The following FANCL variants were observed in gnomAD, a reference collection of about 807,000 sequenced individuals.
FANCL encodes the protein FA complementation group L, also known as E3 ubiquitin-protein ligase FANCL.
A neutral mutation model predicts 59.4 loss-of-function variants in FANCL; 69 were observed. The ratio of observed to expected loss-of-function variants is 1.16; its 90% CI spans 0.96 to 1.42. The LOEUF is 1.42. Ranked by LOEUF, FANCL falls within the 40% of genes most tolerant of loss-of-function variation. The pLI, the probability that FANCL is intolerant of heterozygous loss-of-function variation, is 0.00. For missense variants in FANCL, 519 were observed against 447.2 expected, an observed-to-expected ratio of 1.16 and a Z score of -1.45; for synonymous variants, 180 against 147.1, an observed-to-expected ratio of 1.22 and a Z score of -1.62.
intron 7 of FANCL, among the ~76,000 whole-genome samples, chr2:58,190,211 TAA>T (rs1210981508): frequency 4.6e-5 from 7 of 151,990 alleles, no homozygotes; most frequent in Admixed American, 3.3e-4. Context: ...CTTCTATACT[TAA>T]GTTATTTTGA....
intron 1 of FANCL, among the ~76,000 whole-genome samples, chr2:58,232,411 C>T (rs1397809312): frequency 6.6e-6 from 1 of 151,810 alleles, no homozygotes; most frequent in East Asian, 1.9e-4. Flanking sequence ...AATTGCTAAC[C>T]AGGCCCATAG....
intron 7 of FANCL, 50 bp from the exon 8 acceptor site, chr2:58,165,924 C>T (rs765991434): frequency 6.4e-7 from 1 of 1,570,150 alleles, no homozygotes; most frequent in South Asian, 1.1e-5. Context: ...CTACCAATAG[C>T]AGATAATCTT....
At chr2:58,233,591 T>C (rs768120986) in intron 1 of FANCL, among the ~76,000 whole-genome samples, 2 of 151,846 alleles carry the variant, frequency 1.3e-5, no homozygotes, top group Admixed American at 6.6e-5. Flanking sequence ...GGGTACACGA[T>C]AAACCTCAAA....
chr2:58,195,835 T>A (rs540171209), intron 7 of FANCL, among the ~76,000 whole-genome samples: 1 of 152,170 alleles, frequency 6.6e-6, no homozygotes, highest in East Asian at 1.9e-4. Flanking sequence ...TACAACAATC[T>A]AGGGAAGGCA....
chr2:58,235,606 G>A (rs1315611166), intron 1 of FANCL, among the ~76,000 whole-genome samples: 1 of 152,062 alleles, frequency 6.6e-6, no homozygotes, highest in African/African-American at 2.4e-5. Flanking sequence ...CATTCATTAT[G>A]TCTAGCATCC....
In FANCL at chr2:58,229,800, TA is replaced by T. The variant is rs1558823075; in HGVS notation, c.216+13del. The stretch of plus-strand genomic sequence containing the variant: ...ATCTTCACTGAAAACATAAACCTTT[TA>T]AAAAGGACTTACCTGTTGTACTATT... On this transcript the variant is annotated intron_variant, in intron 3 of 13. Coordinates refer to ENST00000233741, the MANE Select transcript of FANCL (RefSeq NM_018062.4). The T allele has an allele frequency of 4.4e-6, 7 of 1,591,148 alleles. No individual in the cohort carries two copies. In the Admixed American group the frequency reaches 5.0e-5, roughly 11 times the overall value.
intron 7 of FANCL, among the ~76,000 whole-genome samples, chr2:58,191,097 C>A (rs564562510): frequency 6.6e-6 from 1 of 151,580 alleles, no homozygotes; most frequent in Admixed American, 6.6e-5. Context: ...CATATAAACA[C>A]CCACATATTC....
Position 58,226,558 on chromosome 2 carries a change from T to G in FANCL, c.273+170A>C, listed in dbSNP as rs1693019468. ...TTCCTTCGAACAGTTATGTCCCTCATGCAGTTCAAGAAATGCGTCATCTAT... is the reference window on the plus strand; with the variant it reads ...TTCCTTCGAACAGTTATGTCCCTCAGGCAGTTCAAGAAATGCGTCATCTAT... On this transcript the variant is annotated intron_variant, in intron 4 of 13. Transcript: ENST00000233741. 2.0e-5 allele frequency among the ~76,000 whole-genome samples: 3 copies of G among 152,128 alleles called. 1 individual carries two copies. Among genetic ancestry groups the G allele is most frequent in the Non-Finnish European group, 4.4e-5 (3 of 68,006 alleles).
At chr2:58,232,961 C>G (rs1169471497) in intron 1 of FANCL, among the ~76,000 whole-genome samples, 2 of 151,954 alleles carry the variant, frequency 1.3e-5, no homozygotes, top group Admixed American at 1.3e-4. Flanking sequence ...AACACAGTCT[C>G]CCTCAAAGCA....
At chr2:58,222,677 T>C (rs536514194) in intron 4 of FANCL, among the ~76,000 whole-genome samples, 1 of 152,152 alleles carries the variant, frequency 6.6e-6, no homozygotes, top group African/African-American at 2.4e-5. Context: ...AAAACTAAAA[T>C]TTTTTACAAG....
chr2:58,202,907 G>A (rs1690191543), intron 6 of FANCL, among the ~76,000 whole-genome samples: 1 of 150,970 alleles, frequency 6.6e-6, no homozygotes, highest in Non-Finnish European at 1.5e-5. Context: ...GGTCTTCATA[G>A]AAAAACGGCT....
chr2:58,159,928 T>C, intron 13 of FANCL, 128 bp from the exon 14 acceptor site: 1 of 1,532,842 alleles, frequency 6.5e-7, no homozygotes, highest in East Asian at 2.3e-5. Context: ...AAGTTTCAGA[T>C]CACCTAGGAA....
intron 7 of FANCL, among the ~76,000 whole-genome samples, chr2:58,168,018 A>T (rs1686134812): frequency 6.6e-6 from 1 of 152,216 alleles, no homozygotes; most frequent in Non-Finnish European, 1.5e-5. Context: ...ATGGAATTAA[A>T]TACTTTATAT....
chr2:58,217,705 T>C (rs949877055), intron 5 of FANCL, among the ~76,000 whole-genome samples: 1 of 151,878 alleles, frequency 6.6e-6, no homozygotes. Context: ...AAGCAAAATT[T>C]TGAGGAACAA....
chr2:58,167,903 T>C (rs1453728109), intron 7 of FANCL, among the ~76,000 whole-genome samples: 1 of 152,184 alleles, frequency 6.6e-6, no homozygotes, highest in Non-Finnish European at 1.5e-5. Flanking sequence ...ATGCGATTAA[T>C]AGTTTTTTCT....
At chr2:58,240,285 T>C (rs1694401102) in intron 1 of FANCL, among the ~76,000 whole-genome samples, 1 of 152,206 alleles carries the variant, frequency 6.6e-6, no homozygotes, top group South Asian at 2.1e-4. Flanking sequence ...CTTTCTGTGA[T>C]GGTCATATGG....
chr2:58,166,746 T>C (rs373638792), intron 7 of FANCL, among the ~76,000 whole-genome samples: 83 of 152,338 alleles, frequency 5.4e-4, no homozygotes, highest in African/African-American at 2.0e-3. Flanking sequence ...TTTAAGAATA[T>C]GATACACCCT....
chr2:58,206,203 A>C (rs1690566036), intron 5 of FANCL, among the ~76,000 whole-genome samples: 1 of 152,124 alleles, frequency 6.6e-6, no homozygotes, highest in Non-Finnish European at 1.5e-5. Context: ...AGGTTTAAGA[A>C]ACAGTAAAGC....
intron 7 of FANCL, among the ~76,000 whole-genome samples, chr2:58,166,489 T>C (rs961034793): frequency 1.3e-5 from 2 of 152,196 alleles, no homozygotes; most frequent in Non-Finnish European, 2.9e-5. Flanking sequence ...AATCCCTTTA[T>C]AGGAATTAGC....
Sources: allele counts gnomAD v4.1 joint callset (sites outside exome capture counted in the v4.1 genomes callset), GRCh38; gene constraint gnomAD v4.1.1; transcripts MANE v1.5; gene names NCBI Gene and HGNC (gene_info 2026-07-23, HGNC 2026-07-21).